SLC25A13: variants seen among roughly 807,000 people sequenced by gnomAD.
The protein encoded by SLC25A13 is solute carrier family 25 member 13, also known as electrogenic aspartate/glutamate antiporter SLC25A13, mitochondrial.
In SLC25A13, 70 loss-of-function variants were observed where a neutral mutation model predicts 85.5. The ratio of observed to expected loss-of-function variants is 0.82; its 90% confidence interval spans 0.68 to 1.00. The LOEUF (loss-of-function observed/expected upper bound fraction) is 1.00. SLC25A13 is among the 50% of genes least tolerant of loss of function. The pLI is 0.00. For missense variants in SLC25A13, 765 were observed against 819.8 expected, an observed-to-expected ratio of 0.93 and a Z score of 0.82; for synonymous variants, 259 against 288.7, an observed-to-expected ratio of 0.90 and a Z score of 1.04.
chr7:96,174,555 A>G (rs1432513326), intron 11 of SLC25A13, among the ~76,000 whole-genome samples: 1 of 152,238 alleles, frequency 6.6e-6, no homozygotes, highest in Non-Finnish European at 1.5e-5. Flanking sequence ...CCCTGTATTC[A>G]CATCAAGTAA....
At chr7:96,150,971 TATG>T (rs963620833) in intron 13 of SLC25A13, among the ~76,000 whole-genome samples, 7 of 152,060 alleles carry the variant, frequency 4.6e-5, no homozygotes, top group South Asian at 4.1e-4. Flanking sequence ...CAGATAATTA[TATG>T]ATAAGATCCA....
At chr7:96,164,109 T>A (rs1238384483) in intron 13 of SLC25A13, among the ~76,000 whole-genome samples, 2 of 152,234 alleles carry the variant, frequency 1.3e-5, no homozygotes, top group Middle Eastern at 3.2e-3. Context: ...TGGCACTGAA[T>A]CCGGCTGGCC....
In SLC25A13 at chr7:96,213,176, C is replaced by T. The variant is rs919687278; in HGVS notation, c.329-4199G>A. 5.3e-5 allele frequency among the ~76,000 whole-genome samples: 8 copies of T among 152,158 alleles called. 1 individual carries two copies. The highest frequency in any genetic ancestry group is 1.5e-5 in the Non-Finnish European group (1 of 68,036). ...GCATTCATTTTCTGAAATGTTTGGTCTCTACGTTTTCCTGCAGGCTCATGA... is the reference window on the plus strand; with the variant it reads ...GCATTCATTTTCTGAAATGTTTGGTTTCTACGTTTTCCTGCAGGCTCATGA... On this transcript the variant is annotated intron_variant, in intron 4 of 17. Transcript: ENST00000265631.
chr7:96,291,462 A>T (rs1035097004), intron 2 of SLC25A13, among the ~76,000 whole-genome samples: 18 of 152,158 alleles, frequency 1.2e-4, no homozygotes, highest in African/African-American at 3.6e-4. Context: ...GACACAAAAA[A>T]CCCTTCCAAA....
intron 3 of SLC25A13, 69 bp downstream of exon 3, chr7:96,277,126 TG>T: frequency 6.9e-7 from 1 of 1,450,442 alleles, no homozygotes; most frequent in Non-Finnish European, 9.3e-7. Flanking sequence ...AATGACTTCC[TG>T]GTCATTAGAG....
chr7:96,274,906 C>G (rs1798386297), intron 3 of SLC25A13, among the ~76,000 whole-genome samples: 1 of 152,160 alleles, frequency 6.6e-6, no homozygotes, highest in African/African-American at 2.4e-5. Context: ...GTTTTGGTTA[C>G]TGTAGCCTTG....
At position 96,294,895 on chromosome 7, in the gene SLC25A13, TC is replaced by T. The variant is rs1799290442; in HGVS notation, c.69+2002del. On this transcript the variant is annotated intron_variant, in intron 2 of 17. Transcript: ENST00000265631. ...CTTTTTTTTCCTCCCCACAAAACTA[TC>T]CCTGCTTTTAATTCATTTGCTTTTG... Among the ~76,000 whole-genome samples the T allele has an allele frequency of 2.0e-5, 3 of 152,286 alleles. No individual in the cohort carries two copies. In the South Asian group the frequency reaches 6.2e-4, roughly 32 times the overall value.
intron 14 of SLC25A13, among the ~76,000 whole-genome samples, chr7:96,141,135 G>A (rs920743529): frequency 6.7e-6 from 1 of 149,930 alleles, no homozygotes; most frequent in Non-Finnish European, 1.5e-5. Flanking sequence ...TGATTCTCCT[G>A]CCTCAGCCTC....
At chr7:96,194,824 A>G (rs1795000564) in intron 5 of SLC25A13, among the ~76,000 whole-genome samples, 1 of 152,228 alleles carries the variant, frequency 6.6e-6, no homozygotes, top group South Asian at 2.1e-4. Flanking sequence ...TATTTTAAAG[A>G]TAAGACATTT....
At chr7:96,318,840 G>C (rs952036897) in intron 1 of SLC25A13, among the ~76,000 whole-genome samples, 1 of 152,174 alleles carries the variant, frequency 6.6e-6, no homozygotes, top group African/African-American at 2.4e-5. Context: ...AATTCTCACA[G>C]TTGCTGAGTC....
At chr7:96,131,337 T>C (rs1000577599) in intron 15 of SLC25A13, among the ~76,000 whole-genome samples, 10 of 152,230 alleles carry the variant, frequency 6.6e-5, no homozygotes, top group African/African-American at 2.4e-4. Flanking sequence ...TCTCTAACTA[T>C]TGTTTAAGTT....
chr7:96,183,067 A>AATGGAAGGC (rs1794480413), intron 11 of SLC25A13, among the ~76,000 whole-genome samples: 1 of 152,202 alleles, frequency 6.6e-6, no homozygotes, highest in Admixed American at 6.5e-5. Flanking sequence ...AAGCATTTCA[A>AATGGAAGGC]ATGGAAGGCA....
intron 3 of SLC25A13, among the ~76,000 whole-genome samples, chr7:96,276,162 C>A (rs1798443636): frequency 6.6e-6 from 1 of 152,162 alleles, no homozygotes; most frequent in Admixed American, 6.6e-5. Flanking sequence ...AGGAAGAAGG[C>A]AAGGTCCTTT....
chr7:96,219,867 G>T, intron 4 of SLC25A13: 1 of 407,406 alleles, frequency 2.5e-6, no homozygotes. Flanking sequence ...GCTCAAGGCT[G>T]GCAGATATTT....
At chr7:96,280,287 G>T (rs1798621702) in intron 2 of SLC25A13, among the ~76,000 whole-genome samples, 1 of 151,302 alleles carries the variant, frequency 6.6e-6, no homozygotes, top group African/African-American at 2.4e-5. Context: ...AGAATGAAAG[G>T]TTTAAAAAAG....
At chr7:96,319,033 C>G (rs932596985) in intron 1 of SLC25A13, among the ~76,000 whole-genome samples, 9 of 152,164 alleles carry the variant, frequency 5.9e-5, no homozygotes, top group Non-Finnish European at 1.2e-4. Flanking sequence ...AGGCTGCCAA[C>G]AGAATCAACC....
intron 4 of SLC25A13, among the ~76,000 whole-genome samples, chr7:96,232,248 C>A (rs184433029): frequency 5.3e-5 from 8 of 151,952 alleles, no homozygotes; most frequent in Non-Finnish European, 5.9e-5. Flanking sequence ...GAATACTATG[C>A]AGTCATTAAA....
At chr7:96,230,782 G>A (rs775260980) in intron 4 of SLC25A13, among the ~76,000 whole-genome samples, 28 of 152,148 alleles carry the variant, frequency 1.8e-4, no homozygotes, top group Non-Finnish European at 3.4e-4. Context: ...CCTTCCTTAC[G>A]CCATATACAA....
At chr7:96,237,499 T>G (rs779322688) in intron 3 of SLC25A13, among the ~76,000 whole-genome samples, 9 of 152,052 alleles carry the variant, frequency 5.9e-5, no homozygotes, top group Non-Finnish European at 1.3e-4. Flanking sequence ...AGCAACAGAA[T>G]CTTGACTTTT....
Sources: allele counts gnomAD v4.1 joint callset (sites outside exome capture counted in the v4.1 genomes callset), GRCh38; gene constraint gnomAD v4.1.1; transcripts MANE v1.5; gene names NCBI Gene and HGNC (gene_info 2026-07-23, HGNC 2026-07-21).